The following PKHD1 variants were observed in gnomAD, a reference collection of about 807,000 sequenced individuals.
PKHD1 encodes fibrocystin.
Under a neutral mutation model 412.0 loss-of-function variants are expected in PKHD1, and 291 were observed. That is an observed-to-expected ratio of 0.71 (90% CI 0.64 to 0.78). The LOEUF (loss-of-function observed/expected upper bound fraction) is 0.78, where lower values mean the gene tolerates loss of function less well. PKHD1 is among the 30% of genes least tolerant of loss of function. The probability of loss-of-function intolerance (pLI) is 0.00; values close to 1 mark genes in which losing one functional copy is unlikely to be tolerated. For synonymous variants in PKHD1, 1,777 were observed against 1,821.5 expected (o/e 0.98, Z 0.62); for missense variants, 4,825 against 4,950.7 (o/e 0.97, Z 0.76).
At chr6:51,648,978 G>A (rs1047355531) in intron 62 of PKHD1, 107 bp downstream of exon 62, 52 of 1,103,392 alleles carry the variant, frequency 4.7e-5, no homozygotes, top group African/African-American at 4.6e-5. Flanking sequence ...ATTGCACCCA[G>A]TGGGCACTCT....
At chr6:51,744,849 T>C (rs1784999964) in intron 59 of PKHD1, among the ~76,000 whole-genome samples, 1 of 152,160 alleles carries the variant, frequency 6.6e-6, no homozygotes, top group Non-Finnish European at 1.5e-5. Flanking sequence ...GAACATAATA[T>C]AATTATTTTT....
chr6:51,863,122 C>T (rs1040206469), intron 48 of PKHD1, among the ~76,000 whole-genome samples: 4 of 152,076 alleles, frequency 2.6e-5, no homozygotes, highest in African/African-American at 9.7e-5. Context: ...AGAACTGAAA[C>T]AAAAAGCGGT....
chr6:52,021,881 C>G (rs1801450185), intron 33 of PKHD1, among the ~76,000 whole-genome samples: 1 of 152,098 alleles, frequency 6.6e-6, no homozygotes. Flanking sequence ...GTGCTTTTAT[C>G]ATTTTGTAAA....
intron 43 of PKHD1, among the ~76,000 whole-genome samples, chr6:51,897,099 AT>A (rs1295859901): frequency 2.0e-5 from 3 of 152,080 alleles, no homozygotes; most frequent in African/African-American, 7.3e-5. Flanking sequence ...GCAGGATATT[AT>A]CCAGGAGAAC....
intron 43 of PKHD1, among the ~76,000 whole-genome samples, chr6:51,889,770 GGGTTACTAAC>G (rs1171007202): frequency 1.3e-5 from 2 of 152,128 alleles, no homozygotes; most frequent in African/African-American, 4.8e-5. Flanking sequence ...GTAACGCTAA[GGGTTACTAAC>G]GTTCCTAGGA....
In PKHD1 at chr6:51,856,089, G is replaced by GAAA; in HGVS notation, c.7734-22_7734-20dup. 1 of 1,448,336 alleles carries GAAA rather than the reference G, an allele frequency of 6.9e-7. No individual in the cohort carries two copies. The highest frequency in any genetic ancestry group is 9.7e-7 in the Non-Finnish European group (1 of 1,033,462). The allele number at this position is 1,448,336 out of a possible 1,614,324, so 89.7% of individuals were successfully genotyped here. A position where few individuals can be genotyped will look rare whatever the true frequency, so the allele number is the denominator to read the frequency against. ...ATTCGCTCTAAGGTGATTTTAAAAG[G>GAAA]AAAAAAAATGGGTTGAGAGATTATT... is the stretch of plus-strand genomic sequence containing the variant. On this transcript the variant is annotated intron_variant, in intron 48 of 66. Coordinates refer to ENST00000371117, the MANE Select transcript of PKHD1 (RefSeq NM_138694.4).
intron 60 of PKHD1, among the ~76,000 whole-genome samples, chr6:51,680,479 G>A (rs1776498111): frequency 1.3e-5 from 2 of 152,132 alleles, no homozygotes; most frequent in African/African-American, 4.8e-5. Context: ...GATTAGGAGA[G>A]CAAAACTCAA....
intron 53 of PKHD1, among the ~76,000 whole-genome samples, chr6:51,783,145 G>A (rs954055000): frequency 3.3e-5 from 5 of 151,996 alleles, no homozygotes; most frequent in Non-Finnish European, 7.4e-5. Flanking sequence ...ATAAAAGCCC[G>A]AGTGCCTAGG....
intron 60 of PKHD1, among the ~76,000 whole-genome samples, chr6:51,713,493 A>C (rs1369784024): frequency 3.9e-5 from 6 of 152,176 alleles, no homozygotes; most frequent in African/African-American, 1.4e-4. Flanking sequence ...GAGTTGAGAG[A>C]GGGAAGGGCA....
intron 31 of PKHD1, among the ~76,000 whole-genome samples, chr6:52,027,547 A>AGAAG (rs1425754976): frequency 6.7e-6 from 1 of 149,090 alleles, no homozygotes; most frequent in African/African-American, 2.5e-5. Flanking sequence ...AAAAAAAAAA[A>AGAAG]AAGAAGAAGA....
In PKHD1 at chr6:52,058,318, C is replaced by G. The variant is rs1378314529; in HGVS notation, c.1512+5G>C. On this transcript the variant is annotated splice_donor_5th_base_variant and intron_variant, in intron 16 of 66. Transcript: ENST00000371117. ...AGCTCCATGGGACTGGAAAGAGACA[C>G]AGACCTGTACTTCTGGAAGCCTCTG... 6.2e-7 allele frequency: 1 copy of G among 1,613,862 alleles called. No homozygotes were observed. The highest frequency in any genetic ancestry group is 1.3e-5 in the African/African-American group (1 of 74,928).
chr6:52,029,256 A>C (rs1477222541), intron 29 of PKHD1, among the ~76,000 whole-genome samples: 2 of 152,182 alleles, frequency 1.3e-5, no homozygotes, highest in Non-Finnish European at 2.9e-5. Context: ...ACCTGAGCCC[A>C]GTCTTTTGTC....
intron 35 of PKHD1, among the ~76,000 whole-genome samples, chr6:51,993,268 CA>C (rs1181268933): frequency 6.6e-6 from 1 of 152,198 alleles, no homozygotes; most frequent in African/African-American, 2.4e-5. Flanking sequence ...CCAGCCTGGC[CA>C]GAGCTCCCAG....
At chr6:51,642,132 G>A (rs991825716) in intron 63 of PKHD1, among the ~76,000 whole-genome samples, 1 of 152,042 alleles carries the variant, frequency 6.6e-6, no homozygotes, top group African/African-American at 2.4e-5. Flanking sequence ...TTCTAAGCTG[G>A]CCGGGCATGA....
chr6:52,023,760 A>C (rs1801744435), intron 32 of PKHD1, among the ~76,000 whole-genome samples: 1 of 152,210 alleles, frequency 6.6e-6, no homozygotes, highest in Non-Finnish European at 1.5e-5. Flanking sequence ...TCATAAAAAA[A>C]CATGGAATCT....
chr6:51,971,055 GT>G (rs1370010096), intron 35 of PKHD1, among the ~76,000 whole-genome samples: 1 of 152,140 alleles, frequency 6.6e-6, no homozygotes, highest in Admixed American at 6.6e-5. Flanking sequence ...AGCATGAGAT[GT>G]TTTTTCCATT....
At position 52,046,096 on chromosome 6, in the gene PKHD1, A is replaced by G. The variant is rs758616030; in HGVS notation, c.2500T>C (p.Phe834Leu). ...FTSRYLNASDFTVKEDLYTCY... is the reference protein window; with the variant it reads ...FTSRYLNASDLTVKEDLYTCY... ...GTGTATAGATCCTCCTTCACAGTGA[A>G]GTCACTGGCATTGAGGTACCTGGAT... The change falls in exon 24 of 67, where the codon TTC becomes CTC. Residue 834 changes from phenylalanine (F) to leucine (L), a missense_variant. By Grantham distance (22) the Phe-to-Leu change is conservative. Transcript: ENST00000371117. The G allele has an allele frequency of 3.1e-6, 5 of 1,613,234 alleles. No individual in the cohort carries two copies. The South Asian group carries it at 5.5e-5, about 18-fold the overall frequency.
At chr6:51,904,488 A>T (rs2474899) in intron 41 of PKHD1, among the ~76,000 whole-genome samples, 58,799 of 151,930 alleles carry the variant, frequency 0.39, 12,133 homozygotes, top group East Asian at 0.75. Flanking sequence ...AGCATGGGCC[A>T]TGCTAATAGA....
At chr6:51,919,759 G>C (rs1039251920) in intron 37 of PKHD1, among the ~76,000 whole-genome samples, 2 of 152,188 alleles carry the variant, frequency 1.3e-5, no homozygotes, top group African/African-American at 4.8e-5. Context: ...TCCTATCCAT[G>C]AGCATGGAAT....
Sources: gnomAD v4.1 joint callset for allele counts (sites outside exome capture counted in the v4.1 genomes callset) on GRCh38, gnomAD v4.1.1 for gene constraint, MANE v1.5 for transcripts, NCBI Gene and HGNC (gene_info 2026-07-23, HGNC 2026-07-21) for gene names.